FAM171A1: variants seen among roughly 807,000 people sequenced by gnomAD.
FAM171A1 encodes the protein protein FAM171A1.
In FAM171A1, 23 loss-of-function variants were observed where a neutral mutation model predicts 74.9. That is an observed-to-expected ratio of 0.31 (90% CI 0.22 to 0.44). The LOEUF (loss-of-function observed/expected upper bound fraction) is 0.44. Among genes scored for constraint, FAM171A1 ranks in the 20% least tolerant of loss-of-function variants. FAM171A1 has a pLI of 1.00. For synonymous variants in FAM171A1, 527 were observed against 505.7 expected (o/e 1.04, Z -0.57); for missense variants, 1,162 against 1,159.2 (o/e 1.00, Z -0.03).
At chr10:15,235,529 T>C (rs897009198) in intron 5 of FAM171A1, among the ~76,000 whole-genome samples, 8 of 152,266 alleles carry the variant, frequency 5.3e-5, no homozygotes, top group African/African-American at 1.9e-4. Context: ...ACTGTAAAAC[T>C]TCCCATCTCT....
At chr10:15,312,676 T>G (rs1349596893) in intron 1 of FAM171A1, among the ~76,000 whole-genome samples, 9 of 17,700 alleles carry the variant, frequency 5.1e-4, no homozygotes, top group African/African-American at 9.4e-4. Context: ...ACTGTGTGTT[T>G]TTTTTTTTTT....
chr10:15,226,346 C>T (rs981251299), intron 5 of FAM171A1, among the ~76,000 whole-genome samples: 1 of 152,198 alleles, frequency 6.6e-6, no homozygotes, highest in Non-Finnish European at 1.5e-5. Context: ...CTGGCATCAT[C>T]AAGGGATGAA....
intron 1 of FAM171A1, among the ~76,000 whole-genome samples, chr10:15,288,480 C>T (rs1348604574): frequency 6.6e-6 from 1 of 152,102 alleles, no homozygotes; most frequent in Non-Finnish European, 1.5e-5. Context: ...TAAATTAACT[C>T]ATGGTGCATT....
intron 1 of FAM171A1, among the ~76,000 whole-genome samples, chr10:15,361,112 T>C (rs1266335488): frequency 1.3e-5 from 2 of 152,200 alleles, no homozygotes; most frequent in African/African-American, 2.4e-5. Flanking sequence ...TGATTAATTA[T>C]AAAGGATAAA....
intron 1 of FAM171A1, among the ~76,000 whole-genome samples, chr10:15,329,993 T>C (rs932639251): frequency 2.6e-5 from 4 of 152,226 alleles, no homozygotes; most frequent in African/African-American, 7.2e-5. Context: ...CTTTCTTGCA[T>C]AGTATGGCAC....
chr10:15,278,697 T>G (rs905427540), intron 2 of FAM171A1, among the ~76,000 whole-genome samples: 1 of 152,084 alleles, frequency 6.6e-6, no homozygotes, highest in African/African-American at 2.4e-5. Context: ...ATGTGCAGAA[T>G]AGGCAAATCT....
intron 5 of FAM171A1, among the ~76,000 whole-genome samples, chr10:15,233,427 C>T (rs1834234546): frequency 6.6e-6 from 1 of 151,942 alleles, no homozygotes; most frequent in African/African-American, 2.4e-5. Flanking sequence ...CTGCCAGATA[C>T]AAATACGTGT....
At chr10:15,312,377 C>G (rs559202666) in intron 1 of FAM171A1, among the ~76,000 whole-genome samples, 29 of 152,214 alleles carry the variant, frequency 1.9e-4, no homozygotes, top group Admixed American at 1.7e-3. Context: ...TGGTGGGGAG[C>G]TTTCGAATAT....
At chr10:15,286,128 G>T (rs1490730063) in intron 1 of FAM171A1, among the ~76,000 whole-genome samples, 2 of 152,188 alleles carry the variant, frequency 1.3e-5, no homozygotes, top group Non-Finnish European at 2.9e-5. Flanking sequence ...ACAAGCTACT[G>T]CAATTGTGTC....
At chr10:15,236,957 G>A (rs773208045) in intron 5 of FAM171A1, among the ~76,000 whole-genome samples, 9 of 152,028 alleles carry the variant, frequency 5.9e-5, no homozygotes, top group Non-Finnish European at 7.4e-5. Flanking sequence ...GCTGGGTGTG[G>A]TGGCACTTGC....
chr10:15,328,426 C>A (rs985368811), intron 1 of FAM171A1, among the ~76,000 whole-genome samples: 5 of 152,234 alleles, frequency 3.3e-5, no homozygotes, highest in Non-Finnish European at 7.3e-5. Context: ...GGATTACAGG[C>A]ATGAACCACG....
chr10:15,248,243 T>C (rs1391063748), intron 5 of FAM171A1, among the ~76,000 whole-genome samples: 1 of 152,110 alleles, frequency 6.6e-6, no homozygotes, highest in Non-Finnish European at 1.5e-5. Flanking sequence ...CTTTGTTTTG[T>C]ACAGTTTTGG....
At chr10:15,309,337 A>G (rs762863112) in intron 1 of FAM171A1, among the ~76,000 whole-genome samples, 2 of 152,150 alleles carry the variant, frequency 1.3e-5, no homozygotes, top group Non-Finnish European at 2.9e-5. Context: ...CCTCCCGAGT[A>G]GCTGGGACTA....
Position 15,214,055 on chromosome 10 carries a change from G to C in FAM171A1, c.1533C>G (p.Ser511Arg). The C allele has an allele frequency of 6.2e-7, 1 of 1,614,200 alleles. No individual in the cohort carries two copies. The highest frequency in any genetic ancestry group is 8.5e-7 in the Non-Finnish European group (1 of 1,180,034). Reference protein sequence around the residue: ...QDREGPASTGSKLTIQEHLYP... With the variant: ...QDREGPASTGRKLTIQEHLYP... ...ACAGATGTTCCTGAATGGTGAGTTT[G>C]CTTCCCGTGGAGGCTGGACCTTCTC... The change falls in exon 8 of 8, where the codon AGC becomes AGG. Residue 511 changes from serine to arginine, a missense_variant. Ser to Arg is a moderately radical substitution (Grantham distance 110). Coordinates refer to ENST00000378116, the MANE Select transcript of FAM171A1 (RefSeq NM_001010924.2).
chr10:15,212,670 G>C lies in FAM171A1; in HGVS notation c.*245C>G, dbSNP rs1833904962. 5.3e-6 allele frequency: 3 copies of C among 561,284 alleles called. No individual in the cohort carries two copies. The South Asian group carries it at 6.7e-5, about 12-fold the overall frequency. The allele number at this position is 561,284 out of a possible 1,614,324, so 34.8% of individuals were successfully genotyped here. A position where few individuals can be genotyped will look rare whatever the true frequency, so the allele number is the denominator to read the frequency against. ...TGGCGGATACGCCGAGTCCTCGGAA[G>C]GACATCTGGACACCACTTTCAGCCA... On this transcript the variant is annotated 3_prime_UTR_variant, in exon 8 of 8. Transcript: ENST00000378116.
rs1169098742 is a variant in FAM171A1 at position 15,312,673 on chromosome 10, G to GTTTTTTTTTTTTTTTTTTTTTTTTTTTT, written c.98-28596_98-28569dup. The stretch of plus-strand genomic sequence containing the variant: ...TACTGGAATGAGTTCAGCACTGTGT[G>GTTTTTTTTTTTTTTTTTTTTTTTTTTTT]TTTTTTTTTTTTTTTTTTTTTTTTT... On this transcript the variant is annotated intron_variant, in intron 1 of 7. Coordinates refer to ENST00000378116, the MANE Select transcript of FAM171A1 (RefSeq NM_001010924.2). 1.1e-4 allele frequency among the ~76,000 whole-genome samples: 4 copies of GTTTTTTTTTTTTTTTTTTTTTTTTTTTT among 36,402 alleles called. 1 individual carries two copies. Among genetic ancestry groups the GTTTTTTTTTTTTTTTTTTTTTTTTTTTT allele is most frequent in the African/African-American group, 4.7e-4 (4 of 8,554 alleles). 23.9% of individuals were successfully genotyped at this position (36,402 alleles called of 152,430 possible). A position where few individuals can be genotyped will look rare whatever the true frequency, so the allele number is the denominator to read the frequency against.
At chr10:15,242,499 C>T (rs1053095020) in intron 5 of FAM171A1, among the ~76,000 whole-genome samples, 1 of 152,296 alleles carries the variant, frequency 6.6e-6, no homozygotes, top group East Asian at 1.9e-4. Flanking sequence ...TTAAAAAGAC[C>T]ATTTCGGCCG....
intron 1 of FAM171A1, among the ~76,000 whole-genome samples, chr10:15,364,972 C>T (rs1836041027): frequency 6.6e-6 from 1 of 152,160 alleles, no homozygotes; most frequent in Non-Finnish European, 1.5e-5. Context: ...TTAACAGAAT[C>T]ACTTGGCCAC....
Position 15,214,407 on chromosome 10 carries a change from A to G in FAM171A1, c.1181T>C (p.Met394Thr). 1 of 1,614,066 alleles carries G rather than the reference A, an allele frequency of 6.2e-7. No individual in the cohort carries two copies. The highest frequency in any genetic ancestry group is 2.2e-5 in the East Asian group (1 of 44,884). Residue 394 changes from methionine to threonine, a missense_variant, in exon 8 of 8, where the codon ATG becomes ACG. Met to Thr is a moderately conservative substitution (Grantham distance 81, BLOSUM62 -1). Transcript: ENST00000378116. ...CATCATTTCCAAATGGACTCCACTC[A>G]TCAGTTCCTTCGTGCCGGGGGCCTC... Reference protein sequence around the residue: ...RPEAPGTKELMSGVHLEMMSP... With the variant: ...RPEAPGTKELTSGVHLEMMSP...
Sources: allele counts gnomAD v4.1 joint callset (sites outside exome capture counted in the v4.1 genomes callset), GRCh38; gene constraint gnomAD v4.1.1; transcripts MANE v1.5; gene names NCBI Gene and HGNC (gene_info 2026-07-23, HGNC 2026-07-21).